Variants in RORA observed in about 807,000 individuals in gnomAD.
RORA encodes the protein RAR related orphan receptor A.
Under a neutral mutation model 69.5 loss-of-function variants are expected in RORA, and 7 were observed. The ratio of observed to expected loss-of-function variants is 0.10; its 90% CI spans 0.06 to 0.19. The LOEUF (loss-of-function observed/expected upper bound fraction) is 0.19. RORA is among the 10% of genes least tolerant of loss of function. The pLI is 1.00. For synonymous variants in RORA, 261 were observed against 240.8 expected (o/e 1.08, Z -0.78); for missense variants, 457 against 663.0 (o/e 0.69, Z 3.41).
intron 1 of RORA, among the ~76,000 whole-genome samples, chr15:60,744,292 T>C (rs2071618078): frequency 6.6e-6 from 1 of 152,200 alleles, no homozygotes; most frequent in Admixed American, 6.5e-5. Context: ...TGTGCTTCTT[T>C]GGGAATGACA....
At chr15:60,764,885 G>A (rs1422398184) in intron 1 of RORA, 1 of 151,540 alleles carries the variant, frequency 6.6e-6, no homozygotes, top group Non-Finnish European at 1.5e-5. Context: ...CCATAAAAAC[G>A]ACGTCTTTAA....
chr15:60,897,896 C>A (rs1891272561), intron 1 of RORA, among the ~76,000 whole-genome samples: 2 of 152,120 alleles, frequency 1.3e-5, no homozygotes, highest in African/African-American at 2.4e-5. Context: ...TAGAGGATGA[C>A]CCCTGTGAAA....
At chr15:60,845,612 C>T (rs1047318516) in intron 1 of RORA, among the ~76,000 whole-genome samples, 1 of 152,180 alleles carries the variant, frequency 6.6e-6, no homozygotes, top group Admixed American at 6.5e-5. Flanking sequence ...AGTCACACAA[C>T]CTAAATCTCA....
intron 2 of RORA, among the ~76,000 whole-genome samples, chr15:60,601,456 C>T (rs2068807324): frequency 6.6e-6 from 1 of 152,116 alleles, no homozygotes; most frequent in Non-Finnish European, 1.5e-5. Flanking sequence ...AATCAAACAA[C>T]TCTAAATGTT....
intron 1 of RORA, among the ~76,000 whole-genome samples, chr15:60,898,753 C>T (rs997448291): frequency 3.3e-5 from 5 of 152,034 alleles, no homozygotes; most frequent in African/African-American, 1.2e-4. Flanking sequence ...GAAAACAAGG[C>T]AATGCATTCT....
At chr15:60,837,442 T>C (rs1351716259) in intron 1 of RORA, among the ~76,000 whole-genome samples, 1 of 152,230 alleles carries the variant, frequency 6.6e-6, no homozygotes, top group Non-Finnish European at 1.5e-5. Context: ...TATCAATCAA[T>C]GCGCACGCAG....
At chr15:60,932,039 T>TA (rs1435481953) in intron 1 of RORA, among the ~76,000 whole-genome samples, 1 of 152,106 alleles carries the variant, frequency 6.6e-6, no homozygotes, top group Non-Finnish European at 1.5e-5. Flanking sequence ...AAGAGTTTTT[T>TA]TTTTTAAATG....
chr15:60,653,156 C>T (rs745713973), intron 2 of RORA, among the ~76,000 whole-genome samples: 2 of 152,142 alleles, frequency 1.3e-5, no homozygotes, highest in African/African-American at 4.8e-5. Flanking sequence ...GGGGAATGAC[C>T]TATGAGCCTG....
intron 1 of RORA, among the ~76,000 whole-genome samples, chr15:60,939,723 G>A (rs1892632693): frequency 6.6e-6 from 1 of 152,280 alleles, no homozygotes; most frequent in East Asian, 1.9e-4. Flanking sequence ...TTAAGTCTGA[G>A]AGCTAACTCT....
At chr15:60,929,730 G>C (rs183170037) in intron 1 of RORA, among the ~76,000 whole-genome samples, 4 of 152,216 alleles carry the variant, frequency 2.6e-5, no homozygotes, top group South Asian at 2.1e-4. Flanking sequence ...TTCAACTTCT[G>C]GCTTCCCTTG....
At chr15:60,790,605 T>C (rs341445) in intron 1 of RORA, among the ~76,000 whole-genome samples, 149 of 152,322 alleles carry the variant, frequency 9.8e-4, no homozygotes, top group African/African-American at 3.5e-3. Flanking sequence ...TTGAGAACAT[T>C]CCTCGTCTTT....
chr15:60,916,139 C>G (rs541932944), intron 1 of RORA, among the ~76,000 whole-genome samples: 1 of 152,152 alleles, frequency 6.6e-6, no homozygotes. Flanking sequence ...GCAGTTCTGC[C>G]GACTTTACAC....
intron 1 of RORA, 55 bp from the exon 2 acceptor site, chr15:60,678,741 T>A (rs533410000): frequency 6.9e-7 from 1 of 1,445,136 alleles, no homozygotes; most frequent in East Asian, 2.3e-5. Flanking sequence ...TGTGCTGCTT[T>A]GAATGTCCGT....
chr15:60,746,174 A>G (rs2071645776), intron 1 of RORA, among the ~76,000 whole-genome samples: 1 of 152,210 alleles, frequency 6.6e-6, no homozygotes, highest in Non-Finnish European at 1.5e-5. Context: ...TTTAAAATCC[A>G]AAAGTCAGAG....
intron 1 of RORA, among the ~76,000 whole-genome samples, chr15:61,050,675 A>G (rs1044215576): frequency 2.0e-5 from 3 of 152,214 alleles, no homozygotes; most frequent in Non-Finnish European, 4.4e-5. Flanking sequence ...GAGTCACAAG[A>G]GTCAGGGGTT....
intron 3 of RORA, among the ~76,000 whole-genome samples, chr15:60,524,454 A>G (rs1319970026): frequency 6.6e-6 from 1 of 152,138 alleles, no homozygotes; most frequent in African/African-American, 2.4e-5. Flanking sequence ...TTCTATCTCC[A>G]CAGTTCCCCA....
At chr15:60,866,810 T>C (rs1321790734) in intron 1 of RORA, among the ~76,000 whole-genome samples, 2 of 116,286 alleles carry the variant, frequency 1.7e-5, no homozygotes, top group African/African-American at 3.0e-5. Context: ...TCCTGAGTTG[T>C]ATCTTATCTT....
chr15:61,096,060 G>A (rs1354687298), intron 1 of RORA, among the ~76,000 whole-genome samples: 1 of 152,214 alleles, frequency 6.6e-6, no homozygotes, highest in African/African-American at 2.4e-5. Context: ...AGTGAGAGGA[G>A]CAGGAGATTG....
rs11639241 is a variant in RORA, at chr15:61,147,808, T to G, written c.166+81245A>C. ...GTGTGTGTGTGTGAAATCTTTAGGTTTTTTTACCTGCCTCCTTCACTGTAT... is the reference window on the plus strand; with the variant it reads ...GTGTGTGTGTGTGAAATCTTTAGGTGTTTTTACCTGCCTCCTTCACTGTAT... On this transcript the variant is annotated intron_variant, in intron 1 of 10. Coordinates refer to ENST00000335670, the MANE Select transcript of RORA (RefSeq NM_134261.3). The surrounding 1 kb of genome is among the most constrained non-coding windows in gnomAD (Gnocchi z 4.1). Among the ~76,000 whole-genome samples, 73,912 of 150,874 alleles carry G rather than the reference T, an allele frequency of 0.49. 20,001 individuals carry two copies. The highest frequency in any genetic ancestry group is 0.61 in the Non-Finnish European group (41,421 of 67,780).
Sources: gnomAD v4.1 joint callset for allele counts (sites outside exome capture counted in the v4.1 genomes callset) on GRCh38, gnomAD v4.1.1 for gene constraint, Gnocchi (gnomAD v3.1) non-coding constraint, MANE v1.5 for transcripts, NCBI Gene and HGNC (gene_info 2026-07-23, HGNC 2026-07-21) for gene names.